SMAD1: variants seen among roughly 807,000 people sequenced by gnomAD.
SMAD1 encodes SMAD family member 1.
A neutral mutation model predicts 41.6 loss-of-function variants in SMAD1; 6 were observed. The ratio of observed to expected loss-of-function variants is 0.14; its 90% CI spans 0.08 to 0.28. The LOEUF is 0.28. Among genes scored for constraint, SMAD1 ranks in the 10% least tolerant of loss-of-function variants. SMAD1 has a pLI of 1.00. For missense variants in SMAD1, 379 were observed against 582.6 expected (o/e 0.65, Z 3.60); for synonymous variants, 206 against 203.2 (o/e 1.01, Z -0.12).
Position 145,557,799 on chromosome 4 carries a change from A to G in SMAD1, c.1263A>G (p.Gly421=). Residue 421 remains glycine (G), a synonymous_variant, in exon 7 of 7, where the codon GGA becomes GGG. Coordinates refer to ENST00000302085, the MANE Select transcript of SMAD1 (RefSeq NM_005900.3). ...CAGTATGTTTTTCCTAGGGCTGGGG[A>G]GCAGAATACCACCGCCAGGATGTTA... is the stretch of plus-strand genomic sequence containing the variant. ...TIRMSFVKGW[G]AEYHRQDVTS... 7 of 1,607,656 alleles carry G rather than the reference A, an allele frequency of 4.4e-6. No individual in the cohort carries two copies. The highest frequency in any genetic ancestry group is 6.0e-6 in the Non-Finnish European group (7 of 1,176,038).
intron 1 of SMAD1, among the ~76,000 whole-genome samples, chr4:145,512,213 A>G (rs1730120385): frequency 6.6e-6 from 1 of 152,220 alleles, no homozygotes; most frequent in Non-Finnish European, 1.5e-5. Context: ...TATATGACAC[A>G]TTGAAATTTG....
intron 1 of SMAD1, among the ~76,000 whole-genome samples, chr4:145,486,889 C>T (rs1237853971): frequency 6.6e-6 from 1 of 152,206 alleles, no homozygotes; most frequent in South Asian, 2.1e-4. Flanking sequence ...CTTTTGTTTT[C>T]AGGTTTTTTT....
intron 6 of SMAD1, among the ~76,000 whole-genome samples, chr4:145,556,944 C>T (rs1468830488): frequency 6.6e-6 from 1 of 152,150 alleles, no homozygotes; most frequent in African/African-American, 2.4e-5. Flanking sequence ...TCCCAAAGTG[C>T]TGGGATTACA....
At position 145,558,047 on chromosome 4, in the gene SMAD1, C is replaced by A. The variant is rs1732944420; in HGVS notation, c.*113C>A. 3 of 568,796 alleles carry A rather than the reference C, an allele frequency of 5.3e-6. No individual in the cohort carries two copies. Among genetic ancestry groups the A allele is most frequent in the Non-Finnish European group, 8.4e-6 (3 of 356,118 alleles). The allele number at this position is 568,796 out of a possible 1,614,324, so 35.2% of individuals were successfully genotyped here. A position where few individuals can be genotyped will look rare whatever the true frequency, so the allele number is the denominator to read the frequency against. Reference sequence around the variant, plus strand: ...AAGGAGCCTTGATAATACTTGACCTCTGTGACCAACTGTTGGATTCAGAAA... The same window carrying A: ...AAGGAGCCTTGATAATACTTGACCTATGTGACCAACTGTTGGATTCAGAAA... On this transcript the variant is annotated 3_prime_UTR_variant, in exon 7 of 7. Transcript: ENST00000302085.
Position 145,483,591 on chromosome 4 carries a change from T to C in SMAD1, c.-177+1553T>C, listed in dbSNP as rs368962757. 4.3e-4 allele frequency among the ~76,000 whole-genome samples: 66 copies of C among 152,388 alleles called. 1 individual carries two copies. In the South Asian group the frequency reaches 0.012, roughly 28 times the overall value. Reference sequence around the variant, plus strand: ...ATGTAGGTGCCAGATCTAAATATGCTGTACTGATTAAAGTGTTTGTTCTGC... The same window carrying C: ...ATGTAGGTGCCAGATCTAAATATGCCGTACTGATTAAAGTGTTTGTTCTGC... On this transcript the variant is annotated intron_variant, in intron 1 of 6. Transcript: ENST00000302085.
chr4:145,527,547 G>A (rs754054866), intron 2 of SMAD1, among the ~76,000 whole-genome samples: 9 of 151,992 alleles, frequency 5.9e-5, no homozygotes, highest in South Asian at 2.1e-4. Flanking sequence ...TTCTAACAAC[G>A]ACTGCCGGAA....
intron 1 of SMAD1, among the ~76,000 whole-genome samples, chr4:145,510,182 T>G (rs567653232): frequency 5.3e-5 from 8 of 152,274 alleles, no homozygotes; most frequent in African/African-American, 1.9e-4. Context: ...CTTCTCTTTT[T>G]TATTTATCAG....
In SMAD1 at chr4:145,522,924, G is replaced by A. The variant is rs9992345; in HGVS notation, c.400+7911G>A. Among the ~76,000 whole-genome samples the A allele has an allele frequency of 9.6e-3, 1,454 of 152,066 alleles. 19 individuals are homozygous for A. The highest frequency in any genetic ancestry group is 0.033 in the African/African-American group (1,378 of 41,478). On this transcript the variant is annotated intron_variant, in intron 2 of 6. Coordinates refer to ENST00000302085, the MANE Select transcript of SMAD1 (RefSeq NM_005900.3). ...GAACTCCTGACCTTGTGATCTGCCCGCCTCAGCCTCCCAAAGTGCTGGGAT... is the reference window on the plus strand; with the variant it reads ...GAACTCCTGACCTTGTGATCTGCCCACCTCAGCCTCCCAAAGTGCTGGGAT...
chr4:145,488,084 A>G (rs1274227288), intron 1 of SMAD1, among the ~76,000 whole-genome samples: 1 of 152,120 alleles, frequency 6.6e-6, no homozygotes, highest in Non-Finnish European at 1.5e-5. Context: ...TGATTTTCCC[A>G]AATCTCTTTT....
chr4:145,538,747 G>T (rs3943707), intron 2 of SMAD1, among the ~76,000 whole-genome samples: 4,356 of 152,146 alleles, frequency 0.029, 184 homozygotes, highest in African/African-American at 0.084. Flanking sequence ...TATGAAACGG[G>T]CTGCTTTTCT....
intron 6 of SMAD1, among the ~76,000 whole-genome samples, chr4:145,554,896 A>G (rs1732755162): frequency 6.6e-6 from 1 of 152,226 alleles, no homozygotes; most frequent in East Asian, 1.9e-4. Flanking sequence ...TCTTCTCTTC[A>G]GAAGCTCACC....
chr4:145,522,719 G>A (rs1445689436), intron 2 of SMAD1, among the ~76,000 whole-genome samples: 4 of 151,764 alleles, frequency 2.6e-5, no homozygotes, highest in Admixed American at 6.6e-5. Context: ...TCGCCCTGTC[G>A]CCCAGGCTGG....
intron 2 of SMAD1, among the ~76,000 whole-genome samples, chr4:145,535,012 A>C (rs1731533965): frequency 6.6e-6 from 1 of 152,176 alleles, no homozygotes; most frequent in African/African-American, 2.4e-5. Context: ...TGTTTTTTTT[A>C]ATGAAGGATG....
chr4:145,488,445 A>G (rs966038616), intron 1 of SMAD1, among the ~76,000 whole-genome samples: 1 of 151,444 alleles, frequency 6.6e-6, no homozygotes, highest in Non-Finnish European at 1.5e-5. Flanking sequence ...AGTTACTCCA[A>G]CTATTCATGT....
At chr4:145,484,332 C>A (rs1728356797) in intron 1 of SMAD1, among the ~76,000 whole-genome samples, 1 of 152,180 alleles carries the variant, frequency 6.6e-6, no homozygotes, top group Admixed American at 6.5e-5. Context: ...GCAGAGAAAG[C>A]ATCATTACCA....
At chr4:145,525,448 C>T (rs530462211) in intron 2 of SMAD1, among the ~76,000 whole-genome samples, 2 of 152,254 alleles carry the variant, frequency 1.3e-5, no homozygotes, top group South Asian at 2.1e-4. Context: ...GGGTGGATAC[C>T]ATGAGCACTG....
At chr4:145,540,165 C>T (rs1305575268) in intron 3 of SMAD1, 104 bp downstream of exon 3, 3 of 1,335,896 alleles carry the variant, frequency 2.2e-6, no homozygotes, top group Non-Finnish European at 3.1e-6. Context: ...GTTTTCAGCC[C>T]TGGTATATGA....
In SMAD1 at chr4:145,514,464, ACTAGGAATG is replaced by A; in HGVS notation, c.-149_-141del. The A allele has an allele frequency of 1.4e-6, 1 of 713,976 alleles. No homozygotes were observed. The highest frequency in any genetic ancestry group is 2.5e-5 in the South Asian group (1 of 39,404). 44.2% of individuals were successfully genotyped at this position (713,976 alleles called of 1,614,324 possible). A position where few individuals can be genotyped will look rare whatever the true frequency, so the allele number is the denominator to read the frequency against. ...TGCTGACTGGGTTACTTTTTTAAACACTAGGAATGGTAATTTCTACTCTTCTGGACTTCA... is the reference window on the plus strand; with the variant it reads ...TGCTGACTGGGTTACTTTTTTAAACAGTAATTTCTACTCTTCTGGACTTCA... On this transcript the variant is annotated 5_prime_UTR_variant, in exon 2 of 7. The change abolishes an upstream ATG in the 5' untranslated region. Coordinates refer to ENST00000302085, the MANE Select transcript of SMAD1 (RefSeq NM_005900.3). The surrounding 1 kb of genome is among the most constrained non-coding windows in gnomAD (Gnocchi z 4.7).
chr4:145,502,284 G>A (rs1036343831), intron 1 of SMAD1, among the ~76,000 whole-genome samples: 38 of 152,284 alleles, frequency 2.5e-4, no homozygotes, highest in African/African-American at 8.2e-4. Flanking sequence ...AAAGGCTACC[G>A]TGTCCTGAAG....
Sources: allele counts gnomAD v4.1 joint callset (sites outside exome capture counted in the v4.1 genomes callset), GRCh38; gene constraint gnomAD v4.1.1; non-coding constraint Gnocchi (gnomAD v3.1); transcripts MANE v1.5; gene names NCBI Gene and HGNC (gene_info 2026-07-23, HGNC 2026-07-21).